Variants in SUGCT observed in about 807,000 individuals in gnomAD.
SUGCT encodes the protein succinyl-CoA:glutarate CoA-transferase.
A neutral mutation model predicts 55.0 loss-of-function variants in SUGCT; 41 were observed. The ratio of observed to expected loss-of-function variants is 0.74; its 90% confidence interval spans 0.58 to 0.97. The LOEUF (loss-of-function observed/expected upper bound fraction) is 0.97, where lower values mean the gene tolerates loss of function less well. Ranked by LOEUF, SUGCT falls within the 50% of genes least tolerant of loss-of-function variation. The pLI, the probability that SUGCT is intolerant of heterozygous loss-of-function variation, is 0.00. For synonymous variants in SUGCT, 187 were observed against 200.4 expected, an observed-to-expected ratio of 0.93 and a Z score of 0.56; for missense variants, 568 against 547.8, an observed-to-expected ratio of 1.04 and a Z score of -0.37.
At chr7:40,202,225 G>A (rs554431871) in intron 6 of SUGCT, among the ~76,000 whole-genome samples, 24 of 152,064 alleles carry the variant, frequency 1.6e-4, no homozygotes, top group Non-Finnish European at 3.1e-4. Context: ...TTCCTGCATC[G>A]GCCTCCCAAA....
the SUGCT span, among the ~76,000 whole-genome samples, chr7:40,952,627 G>A: frequency 2.2e-4 from 33 of 152,222 alleles, no homozygotes; most frequent in African/African-American, 7.5e-4. Context: ...CTTCCTTCAG[G>A]AGCTCTTGTA....
chr7:40,174,171 C>T (rs935007600), intron 1 of SUGCT, among the ~76,000 whole-genome samples: 6 of 151,952 alleles, frequency 3.9e-5, no homozygotes, highest in South Asian at 2.1e-4. Flanking sequence ...TACAGGTGTG[C>T]GCCACCATGC....
At chr7:40,540,834 G>A (rs1045244971) in intron 12 of SUGCT, among the ~76,000 whole-genome samples, 1 of 152,142 alleles carries the variant, frequency 6.6e-6, no homozygotes, top group African/African-American at 2.4e-5. Context: ...CTCCTTTATG[G>A]TATTTGAGAT....
At chr7:40,741,507 C>T (rs1463777178) in intron 12 of SUGCT, among the ~76,000 whole-genome samples, 3 of 152,144 alleles carry the variant, frequency 2.0e-5, no homozygotes, top group Non-Finnish European at 4.4e-5. Context: ...TATAAAGCAA[C>T]TGGTGGGAGT....
intron 9 of SUGCT, among the ~76,000 whole-genome samples, chr7:40,359,107 G>A (rs934329111): frequency 3.3e-5 from 5 of 152,166 alleles, no homozygotes; most frequent in African/African-American, 1.2e-4. Context: ...TCAACTCAGA[G>A]GCATTTCTTA....
chr7:40,625,222 C>G (rs1162281136), intron 12 of SUGCT, among the ~76,000 whole-genome samples: 2 of 152,144 alleles, frequency 1.3e-5, no homozygotes, highest in Admixed American at 1.3e-4. Flanking sequence ...TCTCTGTGCT[C>G]CATGCTGACC....
chr7:40,172,337 G>A (rs192947155), intron 1 of SUGCT, among the ~76,000 whole-genome samples: 2 of 152,090 alleles, frequency 1.3e-5, no homozygotes, highest in African/African-American at 4.8e-5. Flanking sequence ...GGTGGGAAAC[G>A]GGTCCCACAT....
intron 8 of SUGCT, among the ~76,000 whole-genome samples, chr7:40,288,437 A>G (rs920375966): frequency 2.0e-5 from 3 of 152,210 alleles, no homozygotes; most frequent in African/African-American, 7.2e-5. Flanking sequence ...ATGTTAACAC[A>G]GCAAGTTAAG....
chr7:40,905,580 A>C, the SUGCT span, among the ~76,000 whole-genome samples: 1 of 152,212 alleles, frequency 6.6e-6, no homozygotes, highest in East Asian at 1.9e-4. Context: ...CACAGTGGCC[A>C]AATATCGGTC....
chr7:40,405,269 G>T lies in SUGCT; in HGVS notation c.817-44018G>T, dbSNP rs552063723. Among the ~76,000 whole-genome samples the T allele has an allele frequency of 9.9e-5, 15 of 152,244 alleles. No individual in the cohort carries two copies. The South Asian group carries it at 2.7e-3, about 27-fold the overall frequency. ...TGACCTTATCCCTAGGAAATTCAGT[G>T]TTTTATGCTCTTTTAAAGTGATGTA... On this transcript the variant is annotated intron_variant, in intron 9 of 13. Transcript: ENST00000335693.
chr7:40,773,734 T>A (rs947211229), intron 13 of SUGCT, among the ~76,000 whole-genome samples: 5 of 152,140 alleles, frequency 3.3e-5, no homozygotes, highest in Non-Finnish European at 7.3e-5. Flanking sequence ...TTTTTGTCAT[T>A]CCGTTTGAAA....
chr7:40,942,292 A>G, the SUGCT span, among the ~76,000 whole-genome samples: 1 of 152,110 alleles, frequency 6.6e-6, no homozygotes, highest in African/African-American at 2.4e-5. Context: ...CTTGTCTGAA[A>G]GATACTTTAC....
the SUGCT span, among the ~76,000 whole-genome samples, chr7:41,016,946 GT>G: frequency 6.6e-6 from 1 of 152,342 alleles, no homozygotes; most frequent in South Asian, 2.1e-4. Flanking sequence ...CATACAAGGA[GT>G]TTTTGGATTC....
the SUGCT span, among the ~76,000 whole-genome samples, chr7:40,908,949 A>G: frequency 6.6e-5 from 10 of 152,192 alleles, no homozygotes; most frequent in Non-Finnish European, 1.2e-4. Context: ...GTATGGTTTT[A>G]TTTTTGAAAA....
At chr7:40,383,038 C>T (rs1474595392) in intron 9 of SUGCT, among the ~76,000 whole-genome samples, 1 of 152,110 alleles carries the variant, frequency 6.6e-6, no homozygotes, top group African/African-American at 2.4e-5. Flanking sequence ...ATGACACCCC[C>T]TGCAAAGTGG....
intron 9 of SUGCT, among the ~76,000 whole-genome samples, chr7:40,398,280 C>T (rs1276868466): frequency 5.3e-5 from 8 of 151,940 alleles, no homozygotes; most frequent in Admixed American, 2.6e-4. Flanking sequence ...TTAGTAGAGA[C>T]GGGGTTTTGC....
chr7:40,684,095 G>A (rs1375234831), intron 12 of SUGCT: 1 of 1,611,704 alleles, frequency 6.2e-7, no homozygotes. Flanking sequence ...GCATTCCTTG[G>A]CCCATGGCCC....
chr7:40,409,225 G>C (rs760137720), intron 9 of SUGCT, among the ~76,000 whole-genome samples: 1 of 152,072 alleles, frequency 6.6e-6, no homozygotes, highest in African/African-American at 2.4e-5. Flanking sequence ...CAAAGTGCTG[G>C]GATTACAGGT....
chr7:40,178,386 G>C (rs1050885235), intron 1 of SUGCT, among the ~76,000 whole-genome samples: 4 of 152,090 alleles, frequency 2.6e-5, no homozygotes, highest in African/African-American at 7.2e-5. Context: ...TAAATTTCTA[G>C]ATTACCTTTG....
Sources: gnomAD v4.1 joint callset for allele counts (sites outside exome capture counted in the v4.1 genomes callset) on GRCh38, gnomAD v4.1.1 for gene constraint, MANE v1.5 for transcripts, NCBI Gene and HGNC (gene_info 2026-07-23, HGNC 2026-07-21) for gene names.